Variants in LRRC3B observed in about 807,000 individuals in gnomAD.
LRRC3B encodes the protein leucine rich repeat containing 3B.
In LRRC3B, 2 loss-of-function variants were observed where a neutral mutation model predicts 12.8. The ratio of observed to expected loss-of-function variants is 0.16; its 90% CI spans 0.06 to 0.49. LRRC3B has a LOEUF of 0.49. Ranked by LOEUF, LRRC3B falls within the 20% of genes least tolerant of loss-of-function variation. The pLI is 0.96. For synonymous variants in LRRC3B, 132 were observed against 122.0 expected (o/e 1.08, Z -0.54); for missense variants, 189 against 319.4 (o/e 0.59, Z 3.11).
Position 26,637,565 on chromosome 3 carries a change from A to G in LRRC3B, c.-161+14328A>G, listed in dbSNP as rs376463108. ...CACATTGTGTCCAGGGCTAGGAAAC[A>G]CTTGTGGATTCTGTGGATAGCAGCC... On this transcript the variant is annotated intron_variant, in intron 1 of 1. Coordinates refer to ENST00000396641, the Ensembl canonical transcript of LRRC3B. 2.5e-4 allele frequency among the ~76,000 whole-genome samples: 38 copies of G among 152,310 alleles called. No individual in the cohort carries two copies. The East Asian group carries it at 6.9e-3, about 28-fold the overall frequency.
intron 1 of LRRC3B, among the ~76,000 whole-genome samples, chr3:26,674,688 A>ATAAG (rs1357046025): frequency 4.6e-5 from 7 of 152,202 alleles, no homozygotes; most frequent in Non-Finnish European, 8.8e-5. Flanking sequence ...AAATCAACTT[A>ATAAG]TAAGTACCCA....
chr3:26,688,293 G>T (rs905532647), intron 1 of LRRC3B, among the ~76,000 whole-genome samples: 1 of 152,134 alleles, frequency 6.6e-6, no homozygotes, highest in Non-Finnish European at 1.5e-5. Context: ...ATAAAGAACC[G>T]CAGAAAGAAT....
At chr3:26,693,746 G>A (rs1227476873) in intron 1 of LRRC3B, among the ~76,000 whole-genome samples, 1 of 152,172 alleles carries the variant, frequency 6.6e-6, no homozygotes, top group Non-Finnish European at 1.5e-5. Context: ...ACAAACTTAG[G>A]TATGCCTAAT....
chr3:26,683,648 T>C (rs1246026578), intron 1 of LRRC3B, among the ~76,000 whole-genome samples: 3 of 152,180 alleles, frequency 2.0e-5, no homozygotes, highest in Non-Finnish European at 1.5e-5. Flanking sequence ...TTGCACCCTA[T>C]TGAAACAATG....
At chr3:26,686,140 T>A (rs1700084052) in intron 1 of LRRC3B, among the ~76,000 whole-genome samples, 1 of 152,000 alleles carries the variant, frequency 6.6e-6, no homozygotes, top group African/African-American at 2.4e-5. Flanking sequence ...AGTGCAGTGG[T>A]GCAATTGTGG....
chr3:26,690,024 C>T (rs1467374239), intron 1 of LRRC3B, among the ~76,000 whole-genome samples: 1 of 152,194 alleles, frequency 6.6e-6, no homozygotes, highest in Non-Finnish European at 1.5e-5. Flanking sequence ...CCACCACCTT[C>T]TTCCTCTTAC....
At chr3:26,688,298 A>C (rs563945507) in intron 1 of LRRC3B, among the ~76,000 whole-genome samples, 2 of 152,316 alleles carry the variant, frequency 1.3e-5, no homozygotes, top group South Asian at 4.1e-4. Context: ...GAACCGCAGA[A>C]AGAATAATAT....
intron 1 of LRRC3B, among the ~76,000 whole-genome samples, chr3:26,636,835 TCCC>T (rs1698886567): frequency 5.2e-5 from 2 of 38,738 alleles, no homozygotes; most frequent in Non-Finnish European, 9.2e-5. Flanking sequence ...CCTCCCTCCC[TCCC>T]TGCCTCCCTC....
chr3:26,678,917 C>A (rs1365478587), intron 1 of LRRC3B, among the ~76,000 whole-genome samples: 3 of 152,074 alleles, frequency 2.0e-5, no homozygotes, highest in Admixed American at 6.5e-5. Context: ...AACTGGAATT[C>A]CTCTAACCTC....
chr3:26,674,867 T>C (rs1212335895), intron 1 of LRRC3B, among the ~76,000 whole-genome samples: 2 of 152,202 alleles, frequency 1.3e-5, no homozygotes, highest in East Asian at 1.9e-4. Context: ...TGGGTGTCAG[T>C]GTAGACCAGG....
intron 1 of LRRC3B, among the ~76,000 whole-genome samples, chr3:26,661,724 T>C (rs1372619812): frequency 1.3e-5 from 2 of 152,180 alleles, no homozygotes; most frequent in Non-Finnish European, 2.9e-5. Flanking sequence ...GCAGTGTTTA[T>C]AGTAGTGGCC....
Position 26,671,413 on chromosome 3 carries a change from G to GAGAGAGAGAGAGAGAGAGAGAC in LRRC3B, c.-160-38099_-160-38098insGAGAGAGAGAGAGAGAGAGACA, listed in dbSNP as rs9331540. On this transcript the variant is annotated intron_variant, in intron 1 of 1. Transcript: ENST00000396641. The stretch of plus-strand genomic sequence containing the variant: ...AGAGAGAGAGAGAGAGAGAGAGAGA[G>GAGAGAGAGAGAGAGAGAGAGAC]ACGAAGTCTTGCTCTGTCGCCAGGC... Among the ~76,000 whole-genome samples the GAGAGAGAGAGAGAGAGAGAGAC allele has an allele frequency of 2.1e-3, 211 of 99,280 alleles. 23 individuals carry two copies. The highest frequency in any genetic ancestry group is 6.5e-3 in the East Asian group (17 of 2,620). 65.1% of individuals were successfully genotyped at this position (99,280 alleles called of 152,430 possible). A position where few individuals can be genotyped will look rare whatever the true frequency, so the allele number is the denominator to read the frequency against.
intron 1 of LRRC3B, among the ~76,000 whole-genome samples, chr3:26,671,409 G>A (rs1474302889): frequency 7.6e-6 from 1 of 131,298 alleles, no homozygotes; most frequent in Non-Finnish European, 1.6e-5. Flanking sequence ...GAGAGAGAGA[G>A]AGAGACGAAG....
chr3:26,704,922 T>C (rs901100560), intron 1 of LRRC3B, among the ~76,000 whole-genome samples: 3 of 152,206 alleles, frequency 2.0e-5, no homozygotes, highest in African/African-American at 7.2e-5. Flanking sequence ...TTTTGCTATC[T>C]ATTTCCTTTT....
intron 1 of LRRC3B, among the ~76,000 whole-genome samples, chr3:26,641,051 A>T (rs1245184754): frequency 6.6e-6 from 1 of 152,238 alleles, no homozygotes; most frequent in Non-Finnish European, 1.5e-5. Context: ...GTGCACAAAA[A>T]GTCACTTAGT....
At chr3:26,710,571 G>A in exon 2 of LRRC3B, 1 of 1,057,564 alleles carries the variant, frequency 9.5e-7, no homozygotes, top group Non-Finnish European at 1.3e-6. Flanking sequence ...AGTTTCTTTT[G>A]AATTATGCCA....
chr3:26,662,992 C>A (rs1575138686), intron 1 of LRRC3B, among the ~76,000 whole-genome samples: 2 of 152,010 alleles, frequency 1.3e-5, no homozygotes, highest in Non-Finnish European at 2.9e-5. Context: ...AGAGATTGAA[C>A]CTTTGGGCAG....
intron 1 of LRRC3B, among the ~76,000 whole-genome samples, chr3:26,658,879 G>T (rs1465784871): frequency 6.6e-6 from 1 of 152,204 alleles, no homozygotes; most frequent in East Asian, 1.9e-4. Flanking sequence ...GGACATGACT[G>T]CAACAAATTA....
intron 1 of LRRC3B, among the ~76,000 whole-genome samples, chr3:26,664,194 G>A (rs758695201): frequency 1.2e-4 from 19 of 152,068 alleles, no homozygotes; most frequent in Admixed American, 7.2e-4. Flanking sequence ...TGGTCCATGA[G>A]TTTTGCTGGA....
Sources: gnomAD v4.1 joint callset for allele counts (sites outside exome capture counted in the v4.1 genomes callset) on GRCh38, gnomAD v4.1.1 for gene constraint, MANE v1.5 for transcripts, NCBI Gene and HGNC (gene_info 2026-07-23, HGNC 2026-07-21) for gene names.